Variants in LUZP2 observed in about 807,000 individuals in gnomAD.
The protein encoded by LUZP2 is leucine zipper protein 2.
A neutral mutation model predicts 51.6 loss-of-function variants in LUZP2; 52 were observed. The ratio of observed to expected loss-of-function variants is 1.01; its 90% confidence interval spans 0.81 to 1.27. The LOEUF (loss-of-function observed/expected upper bound fraction) is 1.27. Among genes scored for constraint, LUZP2 ranks in the 50% most tolerant of loss-of-function variants. The pLI, the probability that LUZP2 is intolerant of heterozygous loss-of-function variation, is 0.00. For synonymous variants in LUZP2, 154 were observed against 137.3 expected (o/e 1.12, Z -0.85); for missense variants, 436 against 395.4 (o/e 1.10, Z -0.87).
chr11:24,906,228 C>T (rs1185180565), intron 6 of LUZP2, among the ~76,000 whole-genome samples, 175 bp downstream of exon 6: 1 of 149,116 alleles, frequency 6.7e-6, no homozygotes, highest in Non-Finnish European at 1.5e-5. Flanking sequence ...TTTAACATTG[C>T]AATAGCCAAA....
chr11:24,640,390 G>T (rs1019380133), intron 1 of LUZP2, among the ~76,000 whole-genome samples: 2 of 151,868 alleles, frequency 1.3e-5, no homozygotes, highest in Non-Finnish European at 1.5e-5. Context: ...ATTTATATAA[G>T]GACCTCTGTC....
intron 9 of LUZP2, among the ~76,000 whole-genome samples, chr11:25,037,885 T>G (rs1191172101): frequency 6.6e-6 from 1 of 151,966 alleles, no homozygotes; most frequent in Non-Finnish European, 1.5e-5. Context: ...CTAGCTGCCT[T>G]TAAGATTTTT....
chr11:24,885,597 C>G (rs531324128), intron 5 of LUZP2, among the ~76,000 whole-genome samples: 1 of 152,242 alleles, frequency 6.6e-6, no homozygotes, highest in African/African-American at 2.4e-5. Context: ...CAGAGAATAT[C>G]TAATTAGTTT....
intron 1 of LUZP2, among the ~76,000 whole-genome samples, chr11:24,675,592 C>T (rs1472793451): frequency 1.3e-5 from 2 of 151,932 alleles, no homozygotes; most frequent in African/African-American, 2.4e-5. Flanking sequence ...ATTTGCTGTA[C>T]ATTTGAATAA....
intron 1 of LUZP2, among the ~76,000 whole-genome samples, chr11:24,663,539 A>G (rs1201905787): frequency 3.9e-5 from 6 of 152,188 alleles, no homozygotes; most frequent in Non-Finnish European, 2.9e-5. Context: ...TTTCTTCTCA[A>G]GATTATATTT....
intron 1 of LUZP2, among the ~76,000 whole-genome samples, chr11:24,569,626 A>C (rs1852361636): frequency 6.6e-6 from 1 of 152,054 alleles, no homozygotes; most frequent in South Asian, 2.1e-4. Flanking sequence ...TAGCAGAAGA[A>C]AATAGTTGTT....
intron 1 of LUZP2, among the ~76,000 whole-genome samples, chr11:24,503,280 A>ATG (rs1850056461): frequency 1.3e-5 from 2 of 152,214 alleles, no homozygotes; most frequent in South Asian, 4.1e-4. Context: ...GTGAATGTGA[A>ATG]TGTGTTGACA....
intron 7 of LUZP2, among the ~76,000 whole-genome samples, chr11:24,972,791 G>A (rs1855778960): frequency 6.6e-6 from 1 of 152,106 alleles, no homozygotes; most frequent in African/African-American, 2.4e-5. Flanking sequence ...TGATTGTGGT[G>A]GATAACCTTT....
chr11:24,824,997 T>C (rs1428592484), intron 5 of LUZP2, among the ~76,000 whole-genome samples: 2 of 152,286 alleles, frequency 1.3e-5, no homozygotes, highest in Admixed American at 6.5e-5. Context: ...ATGTTAGATC[T>C]GATGCTTGGA....
chr11:24,962,654 T>A (rs2133882649), intron 7 of LUZP2, among the ~76,000 whole-genome samples: 1 of 152,324 alleles, frequency 6.6e-6, no homozygotes, highest in Admixed American at 6.5e-5. Flanking sequence ...ATTATTCTAG[T>A]TATACATTCG....
At chr11:24,538,126 G>A (rs180782030) in intron 1 of LUZP2, among the ~76,000 whole-genome samples, 2 of 151,880 alleles carry the variant, frequency 1.3e-5, no homozygotes, top group East Asian at 3.9e-4. Context: ...AGATATTAAA[G>A]CTGAAATCAC....
rs1355940103 is a variant in LUZP2, at chr11:25,026,812, G to C, written c.766-23226G>C. On this transcript the variant is annotated intron_variant, in intron 9 of 11. Transcript: ENST00000336930. Reference sequence around the variant, plus strand: ...CCTATCTCCGAGAAAAGAAGAAAAAGTAATTCAGAGGATTTGTTGTACTAT... The same window carrying C: ...CCTATCTCCGAGAAAAGAAGAAAAACTAATTCAGAGGATTTGTTGTACTAT... Among the ~76,000 whole-genome samples, 3 of 151,590 alleles carry C rather than the reference G, an allele frequency of 2.0e-5. No homozygotes were observed. The East Asian group carries it at 5.8e-4, about 29-fold the overall frequency.
intron 9 of LUZP2, among the ~76,000 whole-genome samples, chr11:25,023,989 G>T (rs1434714114): frequency 2.6e-5 from 4 of 152,132 alleles, no homozygotes; most frequent in Non-Finnish European, 5.9e-5. Context: ...TTGCACTGTG[G>T]TCTGAGAGAC....
intron 6 of LUZP2, 107 bp from the exon 7 acceptor site, chr11:24,914,369 C>A: frequency 1.2e-6 from 1 of 827,180 alleles, no homozygotes; most frequent in Non-Finnish European, 2.0e-6. Flanking sequence ...TTGGACTGTG[C>A]TTTGCTTGGC....
At chr11:24,654,188 A>C (rs922105855) in intron 1 of LUZP2, among the ~76,000 whole-genome samples, 1 of 152,200 alleles carries the variant, frequency 6.6e-6, no homozygotes, top group Non-Finnish European at 1.5e-5. Context: ...TAGATACATA[A>C]GCCAGTTGGT....
In LUZP2 at chr11:24,963,690, AG is replaced by A. The variant is rs559172634; in HGVS notation, c.523-12898del. On this transcript the variant is annotated intron_variant, in intron 7 of 11. Transcript: ENST00000336930. Reference sequence around the variant, plus strand: ...TGTCACCCCTTTCTTTGACTAGGAAAGGGAACTCCTTGACCCCTTGTGCTTC... The same window carrying A: ...TGTCACCCCTTTCTTTGACTAGGAAAGGAACTCCTTGACCCCTTGTGCTTC... Among the ~76,000 whole-genome samples the A allele has an allele frequency of 2.7e-3, 417 of 152,286 alleles. 2 individuals carry two copies. The highest frequency in any genetic ancestry group is 9.5e-3 in the African/African-American group (394 of 41,582).
intron 1 of LUZP2, among the ~76,000 whole-genome samples, chr11:24,648,462 A>G (rs1231612857): frequency 6.6e-6 from 1 of 151,958 alleles, no homozygotes; most frequent in African/African-American, 2.4e-5. Context: ...CTCTTTTCCT[A>G]CTACCCATCC....
At chr11:24,881,653 T>C (rs1852473794) in intron 5 of LUZP2, among the ~76,000 whole-genome samples, 1 of 152,046 alleles carries the variant, frequency 6.6e-6, no homozygotes, top group Non-Finnish European at 1.5e-5. Context: ...TGTTGGATCA[T>C]ATAATGAAAA....
intron 9 of LUZP2, among the ~76,000 whole-genome samples, chr11:25,009,913 C>A (rs181311334): frequency 5.5e-4 from 84 of 152,288 alleles, no homozygotes; most frequent in Non-Finnish European, 1.1e-3. Flanking sequence ...TCTTTACTTT[C>A]ACTTTGAGCC....
Sources: gnomAD v4.1 joint callset for allele counts (sites outside exome capture counted in the v4.1 genomes callset) on GRCh38, gnomAD v4.1.1 for gene constraint, MANE v1.5 for transcripts, NCBI Gene and HGNC (gene_info 2026-07-23, HGNC 2026-07-21) for gene names.